ARHGEF28: variants seen among roughly 807,000 people sequenced by gnomAD.
ARHGEF28 encodes 190 kDa guanine nucleotide exchange factor.
ARHGEF28 carries 152 observed loss-of-function variants against 206.6 expected under a neutral mutation model. The observed-to-expected ratio is 0.74, with a 90% confidence interval of 0.64 to 0.84. ARHGEF28 has a LOEUF of 0.84. Ranked by LOEUF, ARHGEF28 falls within the 40% of genes least tolerant of loss-of-function variation. The probability of loss-of-function intolerance (pLI) is 0.00; values close to 1 mark genes in which losing one functional copy is unlikely to be tolerated. For missense variants in ARHGEF28, 2,028 were observed against 2,073.2 expected (o/e 0.98, Z 0.42); for synonymous variants, 763 against 776.4 (o/e 0.98, Z 0.29).
chr5:73,763,003 G>A (rs962187567), intron 4 of ARHGEF28, among the ~76,000 whole-genome samples: 1 of 152,190 alleles, frequency 6.6e-6, no homozygotes, highest in Non-Finnish European at 1.5e-5. Flanking sequence ...CTGAATAAAG[G>A]TTAGCTCTTT....
chr5:73,932,877 C>T (rs1240871474), intron 35 of ARHGEF28, among the ~76,000 whole-genome samples: 2 of 131,278 alleles, frequency 1.5e-5, no homozygotes, highest in South Asian at 2.5e-4. Context: ...GGCGCGATCT[C>T]GGCTCACTGC....
At chr5:73,871,509 G>A (rs1352200) in intron 21 of ARHGEF28, among the ~76,000 whole-genome samples, 21,286 of 152,142 alleles carry the variant, frequency 0.14, 1,563 homozygotes, top group African/African-American at 0.16. Context: ...CAAAACTTGC[G>A]GTAAGTTTGG....
intron 11 of ARHGEF28, 55 bp downstream of exon 11, chr5:73,840,815 A>C (rs1757944285): frequency 1.3e-6 from 2 of 1,498,598 alleles, no homozygotes; most frequent in South Asian, 2.7e-5. Context: ...CCTTATAGGT[A>C]GACTTCAAAA....
At chr5:73,781,362 A>G (rs1753834391) in intron 7 of ARHGEF28, among the ~76,000 whole-genome samples, 2 of 152,180 alleles carry the variant, frequency 1.3e-5, no homozygotes, top group African/African-American at 4.8e-5. Flanking sequence ...TATATTTTTT[A>G]TAATACATTG....
chr5:73,857,465 T>C (rs1243273265), intron 14 of ARHGEF28, among the ~76,000 whole-genome samples, 191 bp from the exon 15 acceptor site: 1 of 152,138 alleles, frequency 6.6e-6, no homozygotes, highest in East Asian at 1.9e-4. Flanking sequence ...TAATCACATG[T>C]CTGTTCACTT....
intron 9 of ARHGEF28, among the ~76,000 whole-genome samples, chr5:73,819,068 A>G (rs1331935203): frequency 6.6e-6 from 1 of 152,208 alleles, no homozygotes; most frequent in African/African-American, 2.4e-5. Context: ...ATAGCCTGTA[A>G]GCCTGTGGTG....
chr5:73,797,690 GTTATT>G (rs1291905844), intron 9 of ARHGEF28, among the ~76,000 whole-genome samples: 4 of 152,148 alleles, frequency 2.6e-5, no homozygotes, highest in Non-Finnish European at 4.4e-5. Context: ...GGCCTCTTTT[GTTATT>G]TTATAAGTGC....
rs759981523 is a variant in ARHGEF28 at position 73,904,244 on chromosome 5, G to C, written c.4097G>C (p.Gly1366Ala). 1.9e-6 allele frequency: 3 copies of C among 1,613,838 alleles called. No homozygotes were observed. Among genetic ancestry groups the C allele is most frequent in the Non-Finnish European group, 2.5e-6 (3 of 1,179,804 alleles). ...TAGGTGGAATGTAGAAATTTTCCAG[G>C]TTCTTCACAATCAGAGGTGAGCTGC... ...GEKVECRNFP[G>A]SSQSEIIQAI... The change falls in exon 32 of 36, where the codon GGT becomes GCT. Residue 1366 changes from glycine to alanine, a missense_variant. Coordinates refer to ENST00000513042, the MANE Select transcript of ARHGEF28 (RefSeq NM_001177693.2).
At chr5:73,702,519 C>T (rs1010981750) in intron 2 of ARHGEF28, among the ~76,000 whole-genome samples, 13 of 152,194 alleles carry the variant, frequency 8.5e-5, no homozygotes, top group Admixed American at 7.9e-4. Context: ...TACAAGTATC[C>T]GTTTGAGTCC....
intron 7 of ARHGEF28, among the ~76,000 whole-genome samples, chr5:73,788,138 TAA>T (rs2112474330): frequency 6.6e-6 from 1 of 152,322 alleles, no homozygotes; most frequent in East Asian, 1.9e-4. Context: ...AAAAAAGTAT[TAA>T]ACTCAACTAA....
intron 2 of ARHGEF28, among the ~76,000 whole-genome samples, chr5:73,693,791 G>C (rs553748168): frequency 6.6e-6 from 1 of 152,302 alleles, no homozygotes; most frequent in South Asian, 2.1e-4. Flanking sequence ...TTTCTTTGCT[G>C]GCTTTTGTTT....
intron 1 of ARHGEF28, among the ~76,000 whole-genome samples, chr5:73,681,359 A>G (rs1046478152): frequency 7.2e-5 from 11 of 152,178 alleles, no homozygotes; most frequent in African/African-American, 2.7e-4. Context: ...GGAAGGATCA[A>G]CTTGTTAATG....
chr5:73,897,900 T>A, intron 29 of ARHGEF28, 62 bp from the exon 30 acceptor site: 1 of 1,502,206 alleles, frequency 6.7e-7, no homozygotes, highest in Non-Finnish European at 9.0e-7. Context: ...CAATTCCTGG[T>A]CTAGATTAAA....
intron 1 of ARHGEF28, among the ~76,000 whole-genome samples, chr5:73,680,516 T>C (rs1747011759): frequency 6.6e-6 from 1 of 150,864 alleles, no homozygotes; most frequent in South Asian, 2.1e-4. Context: ...TGATGGGTTT[T>C]GGATGGGAGG....
chr5:73,927,789 G>C (rs1012669859), intron 35 of ARHGEF28, among the ~76,000 whole-genome samples: 3 of 152,184 alleles, frequency 2.0e-5, no homozygotes, highest in Non-Finnish European at 4.4e-5. Flanking sequence ...ATATGGAAGA[G>C]GGACCTTTAT....
intron 14 of ARHGEF28, among the ~76,000 whole-genome samples, chr5:73,853,149 A>G (rs1338963129): frequency 6.6e-6 from 1 of 152,256 alleles, no homozygotes; most frequent in Non-Finnish European, 1.5e-5. Context: ...ACAATGCAGA[A>G]GACTTTTAAG....
intron 1 of ARHGEF28, among the ~76,000 whole-genome samples, chr5:73,649,101 T>A (rs969962041): frequency 2.6e-5 from 4 of 152,226 alleles, no homozygotes; most frequent in Non-Finnish European, 5.9e-5. Flanking sequence ...TTATGTATGA[T>A]CCCCATTGTA....
rs111427923 is a variant in ARHGEF28 at position 73,838,326 on chromosome 5, A to G, written c.1147-2154A>G. 1.1e-4 allele frequency among the ~76,000 whole-genome samples: 16 copies of G among 152,282 alleles called. 2 individuals are homozygous for G. The highest frequency in any genetic ancestry group is 3.6e-4 in the African/African-American group (15 of 41,566). ...AATGTAAGGAATACAAATTCTGCAT[A>G]TTTAAAATGCTTTCTGGCAATATCT... On this transcript the variant is annotated intron_variant, in intron 10 of 35. Transcript: ENST00000513042.
intron 2 of ARHGEF28, among the ~76,000 whole-genome samples, chr5:73,723,804 C>A (rs17664652): frequency 6.6e-6 from 1 of 152,184 alleles, no homozygotes; most frequent in East Asian, 1.9e-4. Context: ...AATGAATTGG[C>A]CTTGTGACTA....
Sources: gnomAD v4.1 joint callset for allele counts (sites outside exome capture counted in the v4.1 genomes callset) on GRCh38, gnomAD v4.1.1 for gene constraint, MANE v1.5 for transcripts, NCBI Gene and HGNC (gene_info 2026-07-23, HGNC 2026-07-21) for gene names.